TEAD1: variants seen among roughly 807,000 people sequenced by gnomAD.
TEAD1 encodes transcriptional enhancer factor TEF-1.
A neutral mutation model predicts 54.9 loss-of-function variants in TEAD1; 9 were observed. The observed-to-expected ratio is 0.16, with a 90% CI of 0.10 to 0.29. TEAD1 has a LOEUF of 0.29. TEAD1 is among the 10% of genes least tolerant of loss of function. The pLI is 1.00. For missense variants in TEAD1, 387 were observed against 535.9 expected (o/e 0.72, Z 2.74); for synonymous variants, 200 against 187.8 (o/e 1.07, Z -0.53).
At chr11:12,903,203 A>G (rs1337458336) in intron 10 of TEAD1, among the ~76,000 whole-genome samples, 1 of 152,172 alleles carries the variant, frequency 6.6e-6, no homozygotes, top group African/African-American at 2.4e-5. Context: ...AGATCACCAG[A>G]GACAGGCTTG....
Position 12,937,247 on chromosome 11 carries a change from A to G in TEAD1, c.*25A>G. 2 of 1,485,198 alleles carry G rather than the reference A, an allele frequency of 1.3e-6. No homozygotes were observed. The highest frequency in any genetic ancestry group is 1.9e-6 in the Non-Finnish European group (2 of 1,066,568). 92.0% of individuals were successfully genotyped at this position (1,485,198 alleles called of 1,614,324 possible). On this transcript the variant is annotated 3_prime_UTR_variant, in exon 13 of 13. Transcript: ENST00000527636. The stretch of plus-strand genomic sequence containing the variant: ...AACATGGTTATTTATATATATAGAT[A>G]TCTGTATATACACACACACATATGT...
At chr11:12,771,801 G>A (rs1945316579) in intron 3 of TEAD1, among the ~76,000 whole-genome samples, 1 of 152,158 alleles carries the variant, frequency 6.6e-6, no homozygotes, top group African/African-American at 2.4e-5. Flanking sequence ...GGCAAAACTG[G>A]CATGGATATT....
chr11:12,913,290 A>C (rs937954538), intron 10 of TEAD1, among the ~76,000 whole-genome samples: 2 of 152,176 alleles, frequency 1.3e-5, no homozygotes, highest in African/African-American at 4.8e-5. Flanking sequence ...AAATTAAAAA[A>C]GTGATGCAGG....
chr11:12,781,984 G>A lies in TEAD1; in HGVS notation c.202+17550G>A, dbSNP rs28786722. On this transcript the variant is annotated intron_variant, in intron 3 of 12. Transcript: ENST00000527636. ...AAAAAAAAAAAAAGAAAGAAAAAAA[G>A]AAAAAGAAAAAAAAAATTAGCCAAG... is the stretch of plus-strand genomic sequence containing the variant. Among the ~76,000 whole-genome samples the A allele has an allele frequency of 7.7e-3, 950 of 123,856 alleles. 33 individuals are homozygous for A. Among genetic ancestry groups the A allele is most frequent in the African/African-American group, 0.036 (769 of 21,424 alleles). The allele number at this position is 123,856 out of a possible 152,430, so 81.3% of individuals were successfully genotyped here.
intron 2 of TEAD1, among the ~76,000 whole-genome samples, chr11:12,701,116 G>A (rs1046599360): frequency 6.6e-6 from 1 of 152,154 alleles, no homozygotes; most frequent in Non-Finnish European, 1.5e-5. Context: ...GTGTTTGTAA[G>A]ACCGTTGTGT....
At chr11:12,760,330 A>G (rs1945074741) in intron 2 of TEAD1, among the ~76,000 whole-genome samples, 1 of 152,172 alleles carries the variant, frequency 6.6e-6, no homozygotes, top group Non-Finnish European at 1.5e-5. Flanking sequence ...TTAATTTGTT[A>G]TTTGCATTTA....
intron 3 of TEAD1, among the ~76,000 whole-genome samples, chr11:12,827,019 T>G (rs1476242924): frequency 1.3e-5 from 2 of 152,204 alleles, no homozygotes; most frequent in African/African-American, 4.8e-5. Flanking sequence ...CAACTCTCTG[T>G]CTCCAAGAAT....
rs562979182 is a variant in TEAD1 at position 12,787,067 on chromosome 11, A to G, written c.202+22633A>G. On this transcript the variant is annotated intron_variant, in intron 3 of 12. Coordinates refer to ENST00000527636, the MANE Select transcript of TEAD1 (RefSeq NM_021961.6). ...AAGCCTCATAGCCCTCTGTAAGGAT[A>G]TGGGCTTTCACTCTGAGCGGGAGTG... 2.4e-4 allele frequency among the ~76,000 whole-genome samples: 36 copies of G among 152,262 alleles called. 1 individual carries two copies. In the South Asian group the frequency reaches 7.3e-3, roughly 31 times the overall value.
intron 3 of TEAD1, among the ~76,000 whole-genome samples, chr11:12,819,452 T>C (rs1946488127): frequency 6.6e-6 from 1 of 152,076 alleles, no homozygotes; most frequent in Non-Finnish European, 1.5e-5. Flanking sequence ...TAACAAAGTT[T>C]TTTGTTTTTT....
Position 12,916,154 on chromosome 11 carries a change from T to G in TEAD1, c.874-8758T>G, listed in dbSNP as rs554162287. Among the ~76,000 whole-genome samples the G allele has an allele frequency of 1.2e-4, 19 of 152,340 alleles. No homozygotes were observed. In the South Asian group the frequency reaches 3.7e-3, roughly 30 times the overall value. ...CAACACACGTGTTAATGATGGCCTT[T>G]TTTTTAGTCCCAGAAAGAATTCTAT... On this transcript the variant is annotated intron_variant, in intron 10 of 12. Transcript: ENST00000527636.
intron 2 of TEAD1, among the ~76,000 whole-genome samples, chr11:12,722,647 T>G (rs1001421141): frequency 7.2e-6 from 1 of 139,764 alleles, no homozygotes; most frequent in African/African-American, 3.2e-5. Context: ...TTCTCTCTCT[T>G]TCTTTTTTTT....
rs555751465 is a variant in TEAD1 at position 12,767,013 on chromosome 11, A to G, written c.202+2579A>G. The stretch of plus-strand genomic sequence containing the variant: ...GGTCGACATGAGGAGCTTTGCTTCT[A>G]CTGCTACCTTGGAAGGGAACCATGG... On this transcript the variant is annotated intron_variant, in intron 3 of 12. Coordinates refer to ENST00000527636, the MANE Select transcript of TEAD1 (RefSeq NM_021961.6). Among the ~76,000 whole-genome samples, 108 of 152,264 alleles carry G rather than the reference A, an allele frequency of 7.1e-4. 3 individuals are homozygous for G. The highest frequency in any genetic ancestry group is 1.7e-3 in the African/African-American group (70 of 41,556).
Position 12,936,603 on chromosome 11 carries a change from G to A in TEAD1, c.1168-506G>A, listed in dbSNP as rs117468561. On this transcript the variant is annotated intron_variant, in intron 12 of 12. Coordinates refer to ENST00000527636, the MANE Select transcript of TEAD1 (RefSeq NM_021961.6). ...AAGAAGTACGTGAAGTGCTTGGTAT[G>A]TTAGCCTGATGTAATCGTCCCACAA... Among the ~76,000 whole-genome samples, 1,011 of 152,308 alleles carry A rather than the reference G, an allele frequency of 6.6e-3. 47 individuals are homozygous for A. In the East Asian group the frequency reaches 0.1, roughly 15 times the overall value.
chr11:12,764,488 G>T, intron 3 of TEAD1, 54 bp downstream of exon 3: 2 of 1,587,040 alleles, frequency 1.3e-6, no homozygotes, highest in Non-Finnish European at 8.6e-7. Context: ...TTGTGGTAGG[G>T]GATAGATTGT....
chr11:12,772,377 C>T lies in TEAD1; in HGVS notation c.202+7943C>T, dbSNP rs951262029. Among the ~76,000 whole-genome samples the T allele has an allele frequency of 2.0e-5, 3 of 152,154 alleles. No individual in the cohort carries two copies. The South Asian group carries it at 6.2e-4, about 32-fold the overall frequency. ...TGAGGATGTATTTGATGGAGCAAAA[C>T]CCAGAAGAGACTTTAAAGGGAAAGG... On this transcript the variant is annotated intron_variant, in intron 3 of 12. Coordinates refer to ENST00000527636, the MANE Select transcript of TEAD1 (RefSeq NM_021961.6).
intron 3 of TEAD1, among the ~76,000 whole-genome samples, chr11:12,847,666 C>T (rs1947182569): frequency 6.6e-6 from 1 of 152,100 alleles, no homozygotes. Flanking sequence ...CATGTGTTAC[C>T]TAGATCATTA....
At chr11:12,740,236 G>A (rs1288829803) in intron 2 of TEAD1, among the ~76,000 whole-genome samples, 1 of 152,114 alleles carries the variant, frequency 6.6e-6, no homozygotes. Context: ...CTCTAAAATA[G>A]GAATAACAGT....
At chr11:12,935,845 C>T (rs1262104918) in intron 12 of TEAD1, among the ~76,000 whole-genome samples, 2 of 152,134 alleles carry the variant, frequency 1.3e-5, no homozygotes, top group Admixed American at 1.3e-4. Context: ...AACTTATATT[C>T]CACTGGGTGA....
intron 2 of TEAD1, among the ~76,000 whole-genome samples, chr11:12,683,974 G>C (rs1943278515): frequency 6.6e-6 from 1 of 152,182 alleles, no homozygotes; most frequent in Non-Finnish European, 1.5e-5. Flanking sequence ...CTATATACCA[G>C]ACACATGGTG....
Sources: gnomAD v4.1 joint callset for allele counts (sites outside exome capture counted in the v4.1 genomes callset) on GRCh38, gnomAD v4.1.1 for gene constraint, MANE v1.5 for transcripts, NCBI Gene and HGNC (gene_info 2026-07-23, HGNC 2026-07-21) for gene names.